Variants in PKIA observed in about 807,000 individuals in gnomAD.
PKIA encodes PKI-alpha.
Under a neutral mutation model 7.6 loss-of-function variants are expected in PKIA, and 4 were observed. That is an observed-to-expected ratio of 0.52 (90% confidence interval 0.26 to 1.20). The LOEUF is 1.20. Ranked by LOEUF, PKIA falls within the 50% of genes most tolerant of loss-of-function variation. PKIA has a pLI of 0.13. For missense variants in PKIA, 73 were observed against 86.2 expected (o/e 0.85, Z 0.61); for synonymous variants, 21 against 30.7 (o/e 0.68, Z 1.04).
chr8:78,570,930 T>C (rs1368357875), intron 1 of PKIA, among the ~76,000 whole-genome samples: 1 of 152,162 alleles, frequency 6.6e-6, no homozygotes, highest in African/African-American at 2.4e-5. Flanking sequence ...CACTTATTAT[T>C]GGTCCACAGA....
At chr8:78,519,696 A>C (rs914664184) in intron 1 of PKIA, among the ~76,000 whole-genome samples, 1 of 152,138 alleles carries the variant, frequency 6.6e-6, no homozygotes, top group African/African-American at 2.4e-5. Context: ...TTAAAAGGTA[A>C]TATTAAGTAC....
chr8:78,583,051 C>T (rs1807855520), intron 2 of PKIA, among the ~76,000 whole-genome samples: 1 of 152,102 alleles, frequency 6.6e-6, no homozygotes, highest in African/African-American at 2.4e-5. Flanking sequence ...TGTCTACTGG[C>T]CTATACCTGG....
chr8:78,529,879 A>G (rs1265694016), intron 1 of PKIA, among the ~76,000 whole-genome samples: 3 of 122,244 alleles, frequency 2.5e-5, no homozygotes, highest in African/African-American at 4.2e-5. Context: ...GCAGAGAGTC[A>G]GTGAGATCAC....
rs573249286 is a variant in PKIA at position 78,562,885 on chromosome 8, G to T, written c.-156-9926G>T. ...GGTATCTGGTAGATGCTCAGGAAATGAGTGTTGAATTAATGAATGAATATG... is the reference window on the plus strand; with the variant it reads ...GGTATCTGGTAGATGCTCAGGAAATTAGTGTTGAATTAATGAATGAATATG... On this transcript the variant is annotated intron_variant, in intron 1 of 3. Transcript: ENST00000396418. Among the ~76,000 whole-genome samples the T allele has an allele frequency of 1.1e-3, 168 of 151,646 alleles. 1 individual carries two copies. The highest frequency in any genetic ancestry group is 3.8e-3 in the African/African-American group (158 of 41,360).
At chr8:78,527,033 G>T (rs1371699564) in intron 1 of PKIA, among the ~76,000 whole-genome samples, 1 of 151,996 alleles carries the variant, frequency 6.6e-6, no homozygotes, top group African/African-American at 2.4e-5. Flanking sequence ...TTACAGGGGA[G>T]AATTTTGTGG....
At chr8:78,519,199 T>G (rs1201018878) in intron 1 of PKIA, among the ~76,000 whole-genome samples, 1 of 152,114 alleles carries the variant, frequency 6.6e-6, no homozygotes, top group Non-Finnish European at 1.5e-5. Flanking sequence ...AAAAAAAGTT[T>G]TGTCTGCTAG....
chr8:78,598,278 A>G lies in PKIA; in HGVS notation c.-27-80A>G, dbSNP rs1383672157. Reference sequence around the variant, plus strand: ...CTTGTAAACAGGACAATTGTTTCACATTCATATACTAAGTCGGTAGTTAAA... The same window carrying G: ...CTTGTAAACAGGACAATTGTTTCACGTTCATATACTAAGTCGGTAGTTAAA... On this transcript the variant is annotated intron_variant, in intron 2 of 3. Coordinates refer to ENST00000396418, the MANE Select transcript of PKIA (RefSeq NM_006823.4). 4 of 792,798 alleles carry G rather than the reference A, an allele frequency of 5.0e-6. No individual in the cohort carries two copies. The African/African-American group carries it at 5.2e-5, about 10-fold the overall frequency. 49.1% of individuals were successfully genotyped at this position (792,798 alleles called of 1,614,324 possible).
chr8:78,568,053 A>C (rs1807459621), intron 1 of PKIA, among the ~76,000 whole-genome samples: 1 of 152,110 alleles, frequency 6.6e-6, no homozygotes, highest in African/African-American at 2.4e-5. Flanking sequence ...TAGCACCAAG[A>C]TCTGGGTGCT....
intron 1 of PKIA, among the ~76,000 whole-genome samples, chr8:78,546,444 G>T (rs74863439): frequency 0.044 from 6,726 of 152,136 alleles, 438 homozygotes; most frequent in African/African-American, 0.14. Context: ...CTGTAGAGCT[G>T]CATTTATCAT....
At chr8:78,569,748 T>C (rs1480760252) in intron 1 of PKIA, among the ~76,000 whole-genome samples, 2 of 152,102 alleles carry the variant, frequency 1.3e-5, no homozygotes, top group African/African-American at 4.8e-5. Flanking sequence ...CAAAAAGCAA[T>C]TATGTATTTC....
At chr8:78,542,556 T>C (rs1002141100) in intron 1 of PKIA, among the ~76,000 whole-genome samples, 4 of 152,188 alleles carry the variant, frequency 2.6e-5, no homozygotes, top group Non-Finnish European at 5.9e-5. Flanking sequence ...AATTAATATA[T>C]TGTTAATACT....
At chr8:78,570,830 T>C (rs1304742061) in intron 1 of PKIA, among the ~76,000 whole-genome samples, 1 of 152,086 alleles carries the variant, frequency 6.6e-6, no homozygotes, top group Non-Finnish European at 1.5e-5. Flanking sequence ...TGTGAATTTA[T>C]CTCCTCTTTG....
intron 1 of PKIA, among the ~76,000 whole-genome samples, chr8:78,538,482 G>A (rs1054016559): frequency 6.6e-6 from 1 of 152,000 alleles, no homozygotes; most frequent in Non-Finnish European, 1.5e-5. Context: ...GAAGGAAAGA[G>A]GCATTCAAGC....
At chr8:78,529,109 A>T (rs1806329887) in intron 1 of PKIA, among the ~76,000 whole-genome samples, 2 of 152,104 alleles carry the variant, frequency 1.3e-5, no homozygotes, top group Admixed American at 1.3e-4. Flanking sequence ...CCTATTAATA[A>T]CATACCATGA....
chr8:78,565,220 A>G (rs1032267997), intron 1 of PKIA, among the ~76,000 whole-genome samples: 1 of 151,704 alleles, frequency 6.6e-6, no homozygotes, highest in Admixed American at 6.6e-5. Flanking sequence ...TTTTTGCTGT[A>G]TTTTTCCTGG....
At chr8:78,540,353 A>C (rs984230066) in intron 1 of PKIA, among the ~76,000 whole-genome samples, 1 of 152,054 alleles carries the variant, frequency 6.6e-6, no homozygotes, top group Non-Finnish European at 1.5e-5. Context: ...AAATAGACAT[A>C]AATATATATC....
intron 1 of PKIA, among the ~76,000 whole-genome samples, chr8:78,571,247 C>G (rs990223192): frequency 6.6e-6 from 1 of 151,572 alleles, no homozygotes; most frequent in African/African-American, 2.4e-5. Flanking sequence ...ACATTGTTAT[C>G]AATGCATTAG....
intron 3 of PKIA, among the ~76,000 whole-genome samples, chr8:78,601,314 C>T (rs73244984): frequency 1.3e-4 from 20 of 152,116 alleles, no homozygotes; most frequent in African/African-American, 4.6e-4. Context: ...GGAGAAAATG[C>T]AGTTTTAAAA....
At chr8:78,547,008 G>A (rs1328055145) in intron 1 of PKIA, among the ~76,000 whole-genome samples, 2 of 152,056 alleles carry the variant, frequency 1.3e-5, no homozygotes, top group African/African-American at 2.4e-5. Context: ...ACTGTTTGAG[G>A]ATCTTACTGT....
Sources: gnomAD v4.1 joint callset for allele counts (sites outside exome capture counted in the v4.1 genomes callset) on GRCh38, gnomAD v4.1.1 for gene constraint, MANE v1.5 for transcripts, NCBI Gene and HGNC (gene_info 2026-07-23, HGNC 2026-07-21) for gene names.